ANO1: variants seen among roughly 807,000 people sequenced by gnomAD.
ANO1 encodes the protein anoctamin 1.
ANO1 carries 59 observed loss-of-function variants against 124.0 expected under a neutral mutation model. The observed-to-expected ratio is 0.48, with a 90% CI of 0.39 to 0.59. The LOEUF (loss-of-function observed/expected upper bound fraction) is 0.59, where lower values mean the gene tolerates loss of function less well. Ranked by LOEUF, ANO1 falls within the 20% of genes least tolerant of loss-of-function variation. The pLI, the probability that ANO1 is intolerant of heterozygous loss-of-function variation, is 0.00. For synonymous variants in ANO1, 529 were observed against 532.0 expected, an observed-to-expected ratio of 0.99 and a Z score of 0.08; for missense variants, 1,059 against 1,328.0, an observed-to-expected ratio of 0.80 and a Z score of 3.15.
the ANO1 span, among the ~76,000 whole-genome samples, chr11:69,969,007 C>T: frequency 6.6e-6 from 1 of 152,194 alleles, no homozygotes; most frequent in Non-Finnish European, 1.5e-5. Context: ...CAGCTCCAGC[C>T]TCTCCAGAGA....
chr11:70,071,118 C>T (rs1299401970), intron 1 of ANO1, among the ~76,000 whole-genome samples: 1 of 152,200 alleles, frequency 6.6e-6, no homozygotes, highest in African/African-American at 2.4e-5. Flanking sequence ...AGTTGAACAC[C>T]TGTGTGACCA....
At chr11:70,135,821 C>T (rs552364949) in intron 11 of ANO1, among the ~76,000 whole-genome samples, 35 of 152,334 alleles carry the variant, frequency 2.3e-4, no homozygotes, top group African/African-American at 7.9e-4. Flanking sequence ...ACACGCCGGG[C>T]GATAAGAGGT....
At chr11:70,150,003 C>G in intron 12 of ANO1, 2 of 673,044 alleles carry the variant, frequency 3.0e-6, no homozygotes, top group Non-Finnish European at 5.4e-6. Context: ...TGACCACTCC[C>G]TGTCTGCTGA....
intron 11 of ANO1, among the ~76,000 whole-genome samples, chr11:70,139,988 T>G (rs1041282976): frequency 6.6e-6 from 1 of 152,164 alleles, no homozygotes; most frequent in Non-Finnish European, 1.5e-5. Flanking sequence ...TCCACAAAAA[T>G]ACACCTCCTT....
At position 70,160,258 on chromosome 11, in the gene ANO1, G is replaced by A. The variant is rs142867863; in HGVS notation, c.1579-903G>A. ...GTCCTGCGGGTGGTTTCACGCCTGG[G>A]TGAGGAGCCTGGCTTTGCTGTGTGC... On this transcript the variant is annotated intron_variant, in intron 16 of 25. Coordinates refer to ENST00000355303, the MANE Select transcript of ANO1 (RefSeq NM_018043.7). Among the ~76,000 whole-genome samples, 136 of 152,276 alleles carry A rather than the reference G, an allele frequency of 8.9e-4. 1 individual carries two copies. Among genetic ancestry groups the A allele is most frequent in the African/African-American group, 2.9e-3 (120 of 41,550 alleles).
At chr11:70,104,236 C>G in intron 4 of ANO1, 86 bp downstream of exon 4, 9 of 1,419,924 alleles carry the variant, frequency 6.3e-6, no homozygotes, top group Non-Finnish European at 8.5e-6. Context: ...GATTGATTAT[C>G]TGTCCCCCAA....
At chr11:70,154,718 TCA>T (rs1199429656) in intron 14 of ANO1, among the ~76,000 whole-genome samples, 1 of 152,100 alleles carries the variant, frequency 6.6e-6, no homozygotes, top group South Asian at 2.1e-4. Context: ...TCCACCCGCC[TCA>T]GTCTCCCAAA....
At chr11:70,152,518 G>C (rs1590868604) in intron 13 of ANO1, 57 bp downstream of exon 13, 1 of 1,579,724 alleles carries the variant, frequency 6.3e-7, no homozygotes, top group East Asian at 2.2e-5. Context: ...CTGGGAGAGG[G>C]ACCTTCTCTT....
At chr11:70,103,295 C>T in intron 3 of ANO1, 131 bp downstream of exon 3, 4 of 714,806 alleles carry the variant, frequency 5.6e-6, no homozygotes, top group Non-Finnish European at 9.3e-6. Context: ...TTCACGGCTA[C>T]CCCTGCAAAG....
intron 10 of ANO1, among the ~76,000 whole-genome samples, chr11:70,126,543 G>A (rs1328249334): frequency 1.3e-5 from 2 of 152,230 alleles, no homozygotes; most frequent in African/African-American, 2.4e-5. Context: ...TTGTGTGGCC[G>A]GGAGGTGAGG....
In ANO1 at chr11:70,108,389, G is replaced by A. The variant is rs765526243; in HGVS notation, c.784G>A (p.Ala262Thr). Residue 262 changes from alanine (A) to threonine (T), a missense_variant, in exon 6 of 26, where the codon GCC becomes ACC. Physicochemically the swap from Ala to Thr is moderately conservative, Grantham distance 58. This residue lies in a region of ANO1 where 809 missense variants were observed against 1,094.9 expected (regional missense o/e 0.74). Coordinates refer to ENST00000355303, the MANE Select transcript of ANO1 (RefSeq NM_018043.7). The stretch of plus-strand genomic sequence containing the variant: ...CTTGAAGAGAACGACGTGTACAAAG[G>A]CCAAGTACAGCATGGGTAAGCACGT... ...EILKRTTCTK[A>T]KYSMGITSLL... The A allele has an allele frequency of 6.2e-7, 1 of 1,612,322 alleles. No individual in the cohort carries two copies.
intron 1 of ANO1, among the ~76,000 whole-genome samples, chr11:70,009,024 T>G (rs1856544229): frequency 6.6e-6 from 1 of 152,184 alleles, no homozygotes; most frequent in South Asian, 2.1e-4. Flanking sequence ...CTGTTCCACA[T>G]GAGGTTAACA....
intron 1 of ANO1, among the ~76,000 whole-genome samples, chr11:70,070,486 C>G (rs1489571332): frequency 6.6e-6 from 1 of 152,120 alleles, no homozygotes. Context: ...AGTTCAAGAC[C>G]AGCCTGACCA....
At chr11:70,022,350 G>C (rs1186740108) in intron 1 of ANO1, among the ~76,000 whole-genome samples, 1 of 152,158 alleles carries the variant, frequency 6.6e-6, no homozygotes, top group African/African-American at 2.4e-5. Context: ...TGTCATCCCA[G>C]CACTTTGGGA....
At chr11:69,966,142 C>T in the ANO1 span, among the ~76,000 whole-genome samples, 1 of 152,240 alleles carries the variant, frequency 6.6e-6, no homozygotes, top group African/African-American at 2.4e-5. Context: ...CAATGGAAGT[C>T]GCTGCTCAGG....
intron 2 of ANO1, among the ~76,000 whole-genome samples, chr11:70,100,238 A>G (rs922853514): frequency 2.0e-5 from 3 of 152,342 alleles, no homozygotes; most frequent in Admixed American, 2.0e-4. Context: ...GGGTGGGAGC[A>G]GAGGCTGAGC....
chr11:70,084,868 C>T (rs1465174740), intron 1 of ANO1, among the ~76,000 whole-genome samples: 1 of 152,224 alleles, frequency 6.6e-6, no homozygotes, highest in Non-Finnish European at 1.5e-5. Flanking sequence ...GGTCAGCCAG[C>T]AGGAGTCTGG....
At chr11:70,040,341 G>A (rs1555004904) in intron 1 of ANO1, among the ~76,000 whole-genome samples, 1 of 152,164 alleles carries the variant, frequency 6.6e-6, no homozygotes, top group African/African-American at 2.4e-5. Context: ...TTTTTAGACA[G>A]GTTGAGAGAA....
At chr11:70,184,954 C>G (rs1327552242) in intron 24 of ANO1, among the ~76,000 whole-genome samples, 2 of 152,088 alleles carry the variant, frequency 1.3e-5, no homozygotes, top group African/African-American at 4.8e-5. Context: ...ACTGTGTGGC[C>G]CAGACTGATC....
Sources: gnomAD v4.1 joint callset for allele counts (sites outside exome capture counted in the v4.1 genomes callset) on GRCh38, gnomAD v4.1.1 for gene constraint, gnomAD v4.1.1 regional missense constraint, MANE v1.5 for transcripts, NCBI Gene and HGNC (gene_info 2026-07-23, HGNC 2026-07-21) for gene names.